Variants in CEP128 observed in about 807,000 individuals in gnomAD.
The protein encoded by CEP128 is centrosomal protein 128.
In CEP128, 132 loss-of-function variants were observed where a neutral mutation model predicts 156.7. The ratio of observed to expected loss-of-function variants is 0.84; its 90% CI spans 0.73 to 0.97. The LOEUF (loss-of-function observed/expected upper bound fraction) is 0.97, where lower values mean the gene tolerates loss of function less well. Among genes scored for constraint, CEP128 ranks in the 50% least tolerant of loss-of-function variants. CEP128 has a pLI of 0.00. For synonymous variants in CEP128, 469 were observed against 448.9 expected (o/e 1.04, Z -0.57); for missense variants, 1,252 against 1,281.9 (o/e 0.98, Z 0.36).
At chr14:80,501,497 CTTTTCT>C (rs915472710) in intron 24 of CEP128, among the ~76,000 whole-genome samples, 18 of 151,710 alleles carry the variant, frequency 1.2e-4, no homozygotes, top group East Asian at 3.9e-4. Flanking sequence ...TTCTTTCTTT[CTTTTCT>C]TTTTCTTTTT....
chr14:80,498,023 T>C (rs1887571763), intron 24 of CEP128, among the ~76,000 whole-genome samples: 1 of 152,212 alleles, frequency 6.6e-6, no homozygotes, highest in Non-Finnish European at 1.5e-5. Context: ...CTCCTACTCC[T>C]CGTCTGAGCT....
intron 9 of CEP128, among the ~76,000 whole-genome samples, chr14:80,843,140 T>C (rs1384548736): frequency 6.6e-6 from 1 of 152,002 alleles, no homozygotes; most frequent in Non-Finnish European, 1.5e-5. Flanking sequence ...CTCTACAACA[T>C]TGACAACAAG....
At chr14:80,783,392 G>A (rs546396590) in intron 15 of CEP128, among the ~76,000 whole-genome samples, 1 of 152,188 alleles carries the variant, frequency 6.6e-6, no homozygotes, top group South Asian at 2.1e-4. Context: ...TAAGACCGTG[G>A]GCAAATTACT....
At chr14:80,632,569 A>AT (rs1254037133) in intron 19 of CEP128, among the ~76,000 whole-genome samples, 2 of 149,644 alleles carry the variant, frequency 1.3e-5, no homozygotes, top group Non-Finnish European at 3.0e-5. Context: ...TATAAAATCT[A>AT]TTATCTATAT....
In CEP128 at chr14:80,796,843, A is replaced by G. The variant is rs1467555710; in HGVS notation, c.1210-3733T>C. Among the ~76,000 whole-genome samples the G allele has an allele frequency of 2.9e-4, 44 of 152,212 alleles. 1 individual carries two copies. The highest frequency in any genetic ancestry group is 2.8e-3 in the Admixed American group (42 of 15,272). ...TTCTACACTTAGAAATCTCACAGGC[A>G]TCTTAAATTTAGCAAGTCAAGAAGT... On this transcript the variant is annotated intron_variant, in intron 13 of 24. Coordinates refer to ENST00000555265, the MANE Select transcript of CEP128 (RefSeq NM_152446.5).
At chr14:80,850,329 C>T (rs941246161) in intron 9 of CEP128, among the ~76,000 whole-genome samples, 1 of 152,116 alleles carries the variant, frequency 6.6e-6, no homozygotes, top group African/African-American at 2.4e-5. Context: ...AGTATACACA[C>T]TATAAATAAT....
intron 19 of CEP128, among the ~76,000 whole-genome samples, chr14:80,627,368 T>C (rs17110880): frequency 0.14 from 20,596 of 152,210 alleles, 1,511 homozygotes; most frequent in South Asian, 0.25. Context: ...GTAAGAACCT[T>C]GTTGAAAGAC....
intron 19 of CEP128, among the ~76,000 whole-genome samples, chr14:80,672,925 C>G (rs1895902357): frequency 6.6e-6 from 1 of 152,048 alleles, no homozygotes; most frequent in Non-Finnish European, 1.5e-5. Context: ...CAATTTAATT[C>G]CAATCTTTTT....
intron 9 of CEP128, among the ~76,000 whole-genome samples, chr14:80,860,834 TA>T (rs1490972159): frequency 6.6e-6 from 1 of 152,110 alleles, no homozygotes; most frequent in African/African-American, 2.4e-5. Context: ...AAAAAAACTT[TA>T]AAAAATCTGT....
intron 2 of CEP128, among the ~76,000 whole-genome samples, chr14:80,948,408 A>G (rs931238291): frequency 2.0e-5 from 3 of 152,222 alleles, no homozygotes; most frequent in African/African-American, 7.2e-5. Flanking sequence ...AGAGCGTCAC[A>G]GATATAAAAC....
At chr14:80,641,792 C>G (rs2140792345) in intron 19 of CEP128, among the ~76,000 whole-genome samples, 1 of 151,866 alleles carries the variant, frequency 6.6e-6, no homozygotes, top group Admixed American at 6.6e-5. Context: ...TAATACAATT[C>G]AATTAAATTA....
chr14:80,702,793 ACT>A (rs1897117177), intron 19 of CEP128, among the ~76,000 whole-genome samples: 2 of 152,154 alleles, frequency 1.3e-5, no homozygotes, highest in African/African-American at 2.4e-5. Context: ...CCTTGCAGCA[ACT>A]GCCTGCTTAT....
chr14:80,506,057 C>A (rs148087525), intron 23 of CEP128, among the ~76,000 whole-genome samples: 10 of 152,148 alleles, frequency 6.6e-5, no homozygotes, highest in African/African-American at 2.4e-4. Context: ...GATAAGACCC[C>A]TCTGGGAGGT....
chr14:80,890,636 G>A (rs1479495198), intron 8 of CEP128, among the ~76,000 whole-genome samples: 1 of 151,914 alleles, frequency 6.6e-6, no homozygotes, highest in African/African-American at 2.4e-5. Flanking sequence ...CAGGGTGAGG[G>A]GCAAGCAGAG....
upstream of CEP128, among the ~76,000 whole-genome samples, chr14:80,944,605 G>A (rs1455921085): frequency 6.6e-6 from 1 of 151,868 alleles, no homozygotes; most frequent in Non-Finnish European, 1.5e-5. Context: ...GGCGGATCAC[G>A]AGGTCAGGAG....
intron 13 of CEP128, among the ~76,000 whole-genome samples, chr14:80,817,727 A>G (rs940443598): frequency 1.3e-5 from 2 of 152,128 alleles, no homozygotes; most frequent in Non-Finnish European, 2.9e-5. Flanking sequence ...CTAAAATACA[A>G]AAAATTAGCC....
intron 19 of CEP128, among the ~76,000 whole-genome samples, chr14:80,666,444 A>G (rs565982873): frequency 1.8e-4 from 28 of 152,306 alleles, no homozygotes; most frequent in African/African-American, 6.0e-4. Flanking sequence ...GGAAATCAAC[A>G]ACACTCACAG....
chr14:80,507,757 T>C (rs8003205), intron 23 of CEP128, among the ~76,000 whole-genome samples: 118,751 of 151,978 alleles, frequency 0.78, 48,771 homozygotes, highest in Middle Eastern at 0.9. Flanking sequence ...TAATGGTGGC[T>C]TCAAAATGCG....
intron 9 of CEP128, among the ~76,000 whole-genome samples, chr14:80,855,791 C>T (rs1383261784): frequency 6.6e-6 from 1 of 152,102 alleles, no homozygotes; most frequent in Non-Finnish European, 1.5e-5. Flanking sequence ...CTAGGTTCTC[C>T]CCTGCTGTGT....
Sources: allele counts gnomAD v4.1 joint callset (sites outside exome capture counted in the v4.1 genomes callset), GRCh38; gene constraint gnomAD v4.1.1; transcripts MANE v1.5; gene names NCBI Gene and HGNC (gene_info 2026-07-23, HGNC 2026-07-21).